The following NRBP2 variants were observed in gnomAD, a reference collection of about 807,000 sequenced individuals.
NRBP2 encodes the protein nuclear receptor binding protein 2, also known as nuclear receptor-binding protein 2.
A neutral mutation model predicts 74.4 loss-of-function variants in NRBP2; 47 were observed. The ratio of observed to expected loss-of-function variants is 0.63; its 90% CI spans 0.50 to 0.81. NRBP2 has a LOEUF of 0.81. NRBP2 is among the 30% of genes least tolerant of loss of function. The pLI, the probability that NRBP2 is intolerant of heterozygous loss-of-function variation, is 0.00. For synonymous variants in NRBP2, 312 were observed against 273.8 expected (o/e 1.14, Z -1.38); for missense variants, 613 against 690.1 (o/e 0.89, Z 1.25).
rs1226199820 is a variant in NRBP2 at position 143,839,355 on chromosome 8, G to A, written c.539C>T (p.Thr180Ile). Residue 180 changes from threonine (T) to isoleucine (I), a missense_variant, in exon 6 of 18, where the codon ACC (threonine) becomes ATC (isoleucine). By Grantham distance (89) the Thr-to-Ile change is moderately conservative (BLOSUM62 -1). This residue lies in a region of NRBP2 where 332 missense variants were observed against 429.2 expected (regional missense o/e 0.77). Transcript: ENST00000442628. The surrounding 1 kb of genome is among the most constrained non-coding windows in gnomAD (Gnocchi z 5.1). ...PIIHGNLTSDTIFIQHNGLIK... is the reference protein window; with the variant it reads ...PIIHGNLTSDIIFIQHNGLIK... ...GAGGCCGTTGTGCTGAATGAAGATG[G>A]TGTCGCTGGTCAGGTTCCCGTGGAT... The A allele has an allele frequency of 6.3e-7, 1 of 1,590,688 alleles. No homozygotes were observed. The highest frequency in any genetic ancestry group is 8.5e-7 in the Non-Finnish European group (1 of 1,175,590).
chr8:143,835,732 TGC>T lies in NRBP2; in HGVS notation c.1438-4_1438-3del. The T allele has an allele frequency of 6.3e-7, 1 of 1,598,274 alleles. No homozygotes were observed. The highest frequency in any genetic ancestry group is 8.5e-7 in the Non-Finnish European group (1 of 1,174,142). ...GGCGGCCAGCTTCATCCGGTCGTCCTGCGGAAGGAGGGAGGCATGGGGGACGG... is the reference window on the plus strand; with the variant it reads ...GGCGGCCAGCTTCATCCGGTCGTCCTGGAAGGAGGGAGGCATGGGGGACGG... On this transcript the variant is annotated splice_polypyrimidine_tract_variant and splice_region_variant and intron_variant, in intron 17 of 17. Coordinates refer to ENST00000442628, the MANE Select transcript of NRBP2 (RefSeq NM_178564.4). The surrounding 1 kb of genome is among the most constrained non-coding windows in gnomAD (Gnocchi z 4.9).
In NRBP2 at chr8:143,839,237, C is replaced by T; in HGVS notation, c.581-42G>A. The T allele has an allele frequency of 6.5e-7, 1 of 1,532,558 alleles. No homozygotes were observed. Among genetic ancestry groups the T allele is most frequent in the Non-Finnish European group, 8.7e-7 (1 of 1,144,058 alleles). The allele number at this position is 1,532,558 out of a possible 1,614,324, so 94.9% of individuals were successfully genotyped here. A position where few individuals can be genotyped will look rare whatever the true frequency, so the allele number is the denominator to read the frequency against. ...GAAAGAGTGGAGTTAGCTGCTGGGG[C>T]ATCAGAACTCCTCTGCCCTTGGCTC... is the stretch of plus-strand genomic sequence containing the variant. On this transcript the variant is annotated intron_variant, in intron 6 of 17. Coordinates refer to ENST00000442628, the MANE Select transcript of NRBP2 (RefSeq NM_178564.4). The surrounding 1 kb of genome is among the most constrained non-coding windows in gnomAD (Gnocchi z 5.1).
In NRBP2 at chr8:143,839,522, G is replaced by A. The variant is rs1818597740; in HGVS notation, c.472C>T (p.Leu158=). Residue 158 remains leucine, a synonymous_variant, in exon 5 of 18, where the codon CTG becomes TTG. Coordinates refer to ENST00000442628, the MANE Select transcript of NRBP2 (RefSeq NM_178564.4). This position sits in a 1 kb window ranked among gnomAD's most constrained non-coding sequence, Gnocchi z 5.1. ...RAWKRWCTQI[L]SALSFLHACS... is the part of the protein sequence containing the mutation. ...CCAGGCCCTCACCTGAGCGCAGACAGGATCTGCGTGCACCAGCGCTTCCAG... is the reference window on the plus strand; with the variant it reads ...CCAGGCCCTCACCTGAGCGCAGACAAGATCTGCGTGCACCAGCGCTTCCAG... 1 of 1,532,894 alleles carries A rather than the reference G, an allele frequency of 6.5e-7. No individual in the cohort carries two copies. The highest frequency in any genetic ancestry group is 8.7e-7 in the Non-Finnish European group (1 of 1,145,948). The allele number at this position is 1,532,894 out of a possible 1,614,324, so 95.0% of individuals were successfully genotyped here. A position where few individuals can be genotyped will look rare whatever the true frequency, so the allele number is the denominator to read the frequency against.
chr8:143,840,108 T>G lies in NRBP2; in HGVS notation c.251A>C (p.Glu84Ala), dbSNP rs1818629213. Residue 84 changes from glutamate (E) to alanine (A), a missense_variant and splice_region_variant, in exon 2 of 18, where the codon GAG becomes GCG. Physicochemically the swap from Glu to Ala is moderately radical, Grantham distance 107 (BLOSUM62 -1). Around this residue, in one of 2 missense-constraint regions of NRBP2, gnomAD observed 332 missense variants for 429.2 expected, o/e 0.77. Coordinates refer to ENST00000442628, the MANE Select transcript of NRBP2 (RefSeq NM_178564.4). The surrounding 1 kb of genome is among the most constrained non-coding windows in gnomAD (Gnocchi z 5.7). ...ATGAGGAGGGGGCAGCGGTCTCACCTCGTGCGCCGCGAAGGCCTTCCTGTC... is the reference window on the plus strand; with the variant it reads ...ATGAGGAGGGGGCAGCGGTCTCACCGCGTGCGCCGCGAAGGCCTTCCTGTC... Reference protein sequence around the residue: ...FGDRKAFAAHEEKIQTVFEQL... With the variant: ...FGDRKAFAAHAEKIQTVFEQL... 1 of 1,536,090 alleles carries G rather than the reference T, an allele frequency of 6.5e-7. No homozygotes were observed. Among genetic ancestry groups the G allele is most frequent in the Non-Finnish European group, 8.7e-7 (1 of 1,146,880 alleles).
downstream of NRBP2, among the ~76,000 whole-genome samples, chr8:143,830,513 C>T (rs1818111792): frequency 6.6e-6 from 1 of 152,276 alleles, no homozygotes; most frequent in African/African-American, 2.4e-5. Flanking sequence ...TGGGCTGGGT[C>T]TGACCACCCG....
At chr8:143,829,903 C>T (rs1818075897), downstream of NRBP2, 1 of 152,308 alleles carries the variant, frequency 6.6e-6, no homozygotes, top group Admixed American at 6.5e-5. Context: ...CCCGCAGGCC[C>T]CGTTAGTCCC....
intron 15 of NRBP2, 45 bp from the exon 16 acceptor site, chr8:143,836,075 G>A (rs1183620585): frequency 6.3e-6 from 10 of 1,580,508 alleles, no homozygotes; most frequent in Non-Finnish European, 7.7e-6. Context: ...TCAGGGCTCC[G>A]CCACGCTCCC....
At chr8:143,838,278 C>T (rs1272518016) in intron 10 of NRBP2, among the ~76,000 whole-genome samples, 1 of 152,238 alleles carries the variant, frequency 6.6e-6, no homozygotes, top group African/African-American at 2.4e-5. Context: ...CATGTCCCCC[C>T]ACAAGCTGGA....
chr8:143,836,031 C>G lies in NRBP2; in HGVS notation c.1318-1G>C, dbSNP rs781858326. 1.3e-6 allele frequency: 2 copies of G among 1,569,452 alleles called. No individual in the cohort carries two copies. Among genetic ancestry groups the G allele is most frequent in the Non-Finnish European group, 1.7e-6 (2 of 1,159,120 alleles). ...CTTCCAGCACCAGAAGCAGAGTGAG[C>G]TGGGGAGGCGGCGGGGCGTGGTCGG... On this transcript the variant is annotated splice_acceptor_variant, in intron 15 of 17. Transcript: ENST00000442628. LOFTEE classifies it high-confidence loss of function.
At chr8:143,832,149 C>T (rs149518034), downstream of NRBP2, among the ~76,000 whole-genome samples, 2 of 152,110 alleles carry the variant, frequency 1.3e-5, no homozygotes, top group African/African-American at 2.4e-5. Context: ...GAAACATGTG[C>T]TGTGTCAACT....
chr8:143,836,003 G>T lies in NRBP2; in HGVS notation c.1345C>A (p.Arg449=). ...TCGTAGGTCAGCTGCCGGTGCAGCC[G>T]GTCTTCCAGCACCAGAAGCAGAGTG... ...HLTLLLVLED[R]LHRQLTYDLL... is the part of the protein sequence containing the mutation. Residue 449 remains arginine (R), a synonymous_variant, in exon 16 of 18, where the codon CGG becomes AGG. Coordinates refer to ENST00000442628, the MANE Select transcript of NRBP2 (RefSeq NM_178564.4). The T allele has an allele frequency of 1.3e-6, 2 of 1,577,294 alleles. No homozygotes were observed. Among genetic ancestry groups the T allele is most frequent in the East Asian group, 2.3e-5 (1 of 43,856 alleles).
In NRBP2 at chr8:143,837,492, C is replaced by T; in HGVS notation, c.991G>A (p.Val331Met). 1.2e-6 allele frequency: 2 copies of T among 1,610,610 alleles called. No individual in the cohort carries two copies. Among genetic ancestry groups the T allele is most frequent in the South Asian group, 1.1e-5 (1 of 90,136 alleles). The part of the protein sequence containing the change: ...IQHQYLMPEN[V>M]VEEKTKAMDL... ...ATGGCCTTGGTCTTCTCCTCCACCA[C>T]ATTCTCAGGCATGAGGTCTGCGGCC... is the stretch of plus-strand genomic sequence containing the variant. The change falls in exon 12 of 18, where the codon GTG becomes ATG. Residue 331 changes from valine (V) to methionine (M), a missense_variant. This residue lies in a region of NRBP2 where 281 missense variants were observed against 260.9 expected (regional missense o/e 1.08). Transcript: ENST00000442628. This position sits in a 1 kb window ranked among gnomAD's most constrained non-coding sequence, Gnocchi z 4.3.
Position 143,839,375 on chromosome 8 carries a change from G to T in NRBP2, c.519C>A (p.His173Gln). ...AGATGGTGTCGCTGGTCAGGTTCCC[G>T]TGGATGATTGGGGGGCTGCAGGCGT... is the stretch of plus-strand genomic sequence containing the variant. Reference protein sequence around the residue: ...FLHACSPPIIHGNLTSDTIFI... With the variant: ...FLHACSPPIIQGNLTSDTIFI... Residue 173 changes from histidine (H) to glutamine (Q), a missense_variant, in exon 6 of 18, where the codon CAC becomes CAA. By Grantham distance (24) the His-to-Gln change is conservative. Transcript: ENST00000442628. The surrounding 1 kb of genome is among the most constrained non-coding windows in gnomAD (Gnocchi z 5.1). The T allele has an allele frequency of 6.3e-7, 1 of 1,589,040 alleles. No individual in the cohort carries two copies. Among genetic ancestry groups the T allele is most frequent in the Non-Finnish European group, 8.5e-7 (1 of 1,174,916 alleles).
chr8:143,839,554 C>A lies in NRBP2; in HGVS notation c.445-5G>T, dbSNP rs1390577032. The A allele has an allele frequency of 9.1e-6, 14 of 1,530,178 alleles. No homozygotes were observed. The highest frequency in any genetic ancestry group is 1.2e-5 in the Non-Finnish European group (14 of 1,144,500). The allele number at this position is 1,530,178 out of a possible 1,614,324, so 94.8% of individuals were successfully genotyped here. A position where few individuals can be genotyped will look rare whatever the true frequency, so the allele number is the denominator to read the frequency against. On this transcript the variant is annotated splice_region_variant and splice_polypyrimidine_tract_variant and intron_variant, in intron 4 of 17. Transcript: ENST00000442628. The surrounding 1 kb of genome is among the most constrained non-coding windows in gnomAD (Gnocchi z 5.1). ...CGTGCACCAGCGCTTCCAGGCCTGG[C>A]GGCGGACGCACGACTCCGTCGGTCG... is the stretch of plus-strand genomic sequence containing the variant.
At chr8:143,832,340 A>T (rs1327441685), downstream of NRBP2, among the ~76,000 whole-genome samples, 2 of 151,912 alleles carry the variant, frequency 1.3e-5, no homozygotes, top group African/African-American at 4.8e-5. Flanking sequence ...GTTTCTCCCC[A>T]TGTGATAGTC....
In NRBP2 at chr8:143,837,864, A is replaced by G. The variant is rs1554652387; in HGVS notation, c.841-109T>C. ...TCCCCATGTCCCTCCTCAGGGACAC[A>G]CAGGACATGCAGGGATGCCCATAGG... On this transcript the variant is annotated intron_variant, in intron 10 of 17. Coordinates refer to ENST00000442628, the MANE Select transcript of NRBP2 (RefSeq NM_178564.4). The surrounding 1 kb of genome is among the most constrained non-coding windows in gnomAD (Gnocchi z 4.3). The G allele has an allele frequency of 1.5e-6, 2 of 1,335,800 alleles. No homozygotes were observed. Among genetic ancestry groups the G allele is most frequent in the East Asian group, 5.0e-5 (2 of 39,986 alleles). 82.7% of individuals were successfully genotyped at this position (1,335,800 alleles called of 1,614,324 possible).
At position 143,835,783 on chromosome 8, in the gene NRBP2, C is replaced by T. The variant is rs989578628; in HGVS notation, c.1437+37G>A. On this transcript the variant is annotated intron_variant, in intron 17 of 17. Transcript: ENST00000442628. The surrounding 1 kb of genome is among the most constrained non-coding windows in gnomAD (Gnocchi z 4.9). ...GGAGGGGCGCGGCCTGCCCCGTGCG[C>T]CCCCTCCGCCAGGCCGCGCCGCACC... 5 of 1,602,292 alleles carry T rather than the reference C, an allele frequency of 3.1e-6. No homozygotes were observed. The highest frequency in any genetic ancestry group is 2.7e-5 in the African/African-American group (2 of 74,514).
downstream of NRBP2, among the ~76,000 whole-genome samples, chr8:143,831,775 C>G (rs181824943): frequency 3.9e-5 from 6 of 152,302 alleles, no homozygotes; most frequent in Admixed American, 3.9e-4. Context: ...AGTTGTATAT[C>G]AAGACACATC....
At chr8:143,831,012 C>G (rs990024650), downstream of NRBP2, among the ~76,000 whole-genome samples, 1 of 152,204 alleles carries the variant, frequency 6.6e-6, no homozygotes, top group African/African-American at 2.4e-5. Context: ...TAGGGCTAGC[C>G]TGGCACACAA....
Sources: allele counts gnomAD v4.1 joint callset (sites outside exome capture counted in the v4.1 genomes callset), GRCh38; gene constraint gnomAD v4.1.1; regional missense constraint gnomAD v4.1.1; non-coding constraint Gnocchi (gnomAD v3.1); transcripts MANE v1.5; gene names NCBI Gene and HGNC (gene_info 2026-07-23, HGNC 2026-07-21).